The following GC variants were observed in gnomAD, a reference collection of about 807,000 sequenced individuals.
GC encodes vitamin D-binding protein.
In GC, 43 loss-of-function variants were observed where a neutral mutation model predicts 56.7. The ratio of observed to expected loss-of-function variants is 0.76; its 90% CI spans 0.59 to 0.98. The LOEUF (loss-of-function observed/expected upper bound fraction) is 0.98, where lower values mean the gene tolerates loss of function less well. GC is among the 50% of genes least tolerant of loss of function. The pLI is 0.00. For missense variants in GC, 529 were observed against 545.9 expected, an observed-to-expected ratio of 0.97 and a Z score of 0.31; for synonymous variants, 216 against 202.7, an observed-to-expected ratio of 1.07 and a Z score of -0.56.
In GC at chr4:71,745,278, T is replaced by C. The variant is rs549630110; in HGVS notation, c.*25+873A>G. Among the ~76,000 whole-genome samples the C allele has an allele frequency of 4.6e-5, 7 of 152,318 alleles. No homozygotes were observed. The South Asian group carries it at 1.4e-3, about 32-fold the overall frequency. On this transcript the variant is annotated intron_variant, in intron 12 of 12. Transcript: ENST00000273951. ...GTTGGGTGATTTCAAATATAAGTTTTCTTGACCATCCCCCTTGTACTGGTT... is the reference window on the plus strand; with the variant it reads ...GTTGGGTGATTTCAAATATAAGTTTCCTTGACCATCCCCCTTGTACTGGTT...
At chr4:71,795,070 A>G (rs1248175657) in intron 1 of GC, among the ~76,000 whole-genome samples, 3 of 152,192 alleles carry the variant, frequency 2.0e-5, no homozygotes. Flanking sequence ...GAAGTGTTTT[A>G]CTTCCAATTA....
intron 1 of GC, among the ~76,000 whole-genome samples, chr4:71,797,643 C>T (rs1224255824): frequency 8.5e-5 from 13 of 152,236 alleles, no homozygotes; most frequent in Non-Finnish European, 4.4e-5. Context: ...GGTGATGCCC[C>T]GCCCTGCTTT....
chr4:71,752,718 T>G, intron 10 of GC, 68 bp from the exon 11 acceptor site: 1 of 1,292,606 alleles, frequency 7.7e-7, no homozygotes, highest in Non-Finnish European at 1.1e-6. Flanking sequence ...TAATGCAAAA[T>G]AATAGCCATT....
chr4:71,769,583 A>G (rs1452098892), intron 1 of GC, 183 bp from the exon 2 acceptor site: 4 of 544,900 alleles, frequency 7.3e-6, no homozygotes, highest in Non-Finnish European at 1.3e-5. Flanking sequence ...CCACAATTTT[A>G]TGACATTCTG....
At chr4:71,805,155 A>G (rs1202468670), upstream of GC, among the ~76,000 whole-genome samples, 1 of 152,140 alleles carries the variant, frequency 6.6e-6, no homozygotes, top group Non-Finnish European at 1.5e-5. Flanking sequence ...AACAGTTTGC[A>G]TTAGGTCCCT....
chr4:71,771,135 T>G (rs369659703), intron 1 of GC, among the ~76,000 whole-genome samples: 185 of 152,310 alleles, frequency 1.2e-3, no homozygotes, highest in African/African-American at 4.2e-3. Context: ...TGGTTTATCC[T>G]TCTCACTTTA....
At chr4:71,792,688 A>T (rs968131878) in intron 1 of GC, among the ~76,000 whole-genome samples, 3 of 151,516 alleles carry the variant, frequency 2.0e-5, no homozygotes, top group African/African-American at 7.3e-5. Context: ...GTCTATTTTG[A>T]CTTTTGTTGC....
intron 1 of GC, among the ~76,000 whole-genome samples, chr4:71,780,138 A>G (rs962868217): frequency 1.3e-5 from 2 of 152,130 alleles, no homozygotes; most frequent in Non-Finnish European, 2.9e-5. Flanking sequence ...TGGAGAAAGG[A>G]TTCCCTATTT....
intron 1 of GC, chr4:71,803,831 G>T: frequency 1.4e-6 from 1 of 734,582 alleles, no homozygotes; most frequent in South Asian, 1.5e-5. Flanking sequence ...CCTCTGTGTT[G>T]GTAGTCAGAA....
chr4:71,748,577 T>G (rs1456148142), intron 11 of GC, among the ~76,000 whole-genome samples: 1 of 152,126 alleles, frequency 6.6e-6, no homozygotes, highest in Non-Finnish European at 1.5e-5. Flanking sequence ...GCCTGAATGA[T>G]GGTAGAAAGA....
intron 10 of GC, 110 bp downstream of exon 10, chr4:71,754,298 TTTG>T (rs1381956746): frequency 2.1e-5 from 13 of 620,074 alleles, no homozygotes; most frequent in South Asian, 1.0e-4. Flanking sequence ...TGAACCTCCT[TTTG>T]TTGTTGTTCA....
chr4:71,778,249 A>T (rs1742571517), intron 1 of GC, among the ~76,000 whole-genome samples: 1 of 151,970 alleles, frequency 6.6e-6, no homozygotes, highest in Non-Finnish European at 1.5e-5. Flanking sequence ...TTCATATGTG[A>T]TTTCATTTAT....
At chr4:71,786,396 A>C (rs185747058), upstream of GC, among the ~76,000 whole-genome samples, 403 of 151,928 alleles carry the variant, frequency 2.7e-3, 6 homozygotes, top group Non-Finnish European at 2.2e-3. Flanking sequence ...TGGGGAAAAA[A>C]TGGGTGAAAA....
chr4:71,757,701 C>T (rs973377337), intron 7 of GC, among the ~76,000 whole-genome samples: 2 of 152,058 alleles, frequency 1.3e-5, no homozygotes, highest in African/African-American at 4.8e-5. Flanking sequence ...TCAACTTAAA[C>T]ATATATGTTT....
Position 71,758,071 on chromosome 4 carries a change from A to T in GC, c.802T>A (p.Ser268Thr), listed in dbSNP as rs755649458. Residue 268 changes from serine (S) to threonine (T), a missense_variant, in exon 7 of 13, where the codon TCT (serine) becomes ACT (threonine). Physicochemically the swap from Ser to Thr is moderately conservative, Grantham distance 58. Transcript: ENST00000273951. ...ITNILSKCCESASEDCMAKEL... is the reference protein window; with the variant it reads ...ITNILSKCCETASEDCMAKEL... ...TTGGCCATGCAATCTTCAGAGGCAG[A>T]CTCACAGCATTTGGAGAGGATGTTA... 6 of 1,613,448 alleles carry T rather than the reference A, an allele frequency of 3.7e-6. No individual in the cohort carries two copies. In the South Asian group the frequency reaches 6.6e-5, roughly 18 times the overall value.
intron 11 of GC, among the ~76,000 whole-genome samples, chr4:71,748,095 G>A (rs1329991065): frequency 6.6e-6 from 1 of 152,074 alleles, no homozygotes; most frequent in African/African-American, 2.4e-5. Flanking sequence ...TATAACCTCT[G>A]TAAGTTTCAT....
rs560291910 is a variant in GC, at chr4:71,743,388, A to G, written c.*26-1518T>C. On this transcript the variant is annotated intron_variant, in intron 12 of 12. Coordinates refer to ENST00000273951, the MANE Select transcript of GC (RefSeq NM_000583.4). ...GTTACAACAAGGGAAAAATCATTGA[A>G]GAAAATGGATATTTTCTACTTGAAT... 3.9e-4 allele frequency among the ~76,000 whole-genome samples: 59 copies of G among 152,336 alleles called. No homozygotes were observed. In the South Asian group the frequency reaches 6.6e-3, roughly 17 times the overall value.
intron 11 of GC, among the ~76,000 whole-genome samples, chr4:71,751,188 A>G (rs1741544027): frequency 6.6e-6 from 1 of 152,206 alleles, no homozygotes; most frequent in Admixed American, 6.5e-5. Flanking sequence ...ATTTTCTGAA[A>G]AAGGCCAGCA....
chr4:71,771,924 C>T (rs950362570), intron 1 of GC, among the ~76,000 whole-genome samples: 3 of 152,114 alleles, frequency 2.0e-5, no homozygotes, highest in Non-Finnish European at 2.9e-5. Context: ...TAGTTTGCTC[C>T]TAAAGCAGAG....
Sources: allele counts gnomAD v4.1 joint callset (sites outside exome capture counted in the v4.1 genomes callset), GRCh38; gene constraint gnomAD v4.1.1; transcripts MANE v1.5; gene names NCBI Gene and HGNC (gene_info 2026-07-23, HGNC 2026-07-21).